MRRF: variants seen among roughly 807,000 people sequenced by gnomAD.
The protein encoded by MRRF is mitochondrial ribosome recycling factor.
Under a neutral mutation model 25.1 loss-of-function variants are expected in MRRF, and 18 were observed. The observed-to-expected ratio is 0.72, with a 90% CI of 0.50 to 1.06. MRRF has a LOEUF of 1.06. Ranked by LOEUF, MRRF falls within the 50% of genes least tolerant of loss-of-function variation. The pLI is 0.00. For synonymous variants in MRRF, 113 were observed against 112.1 expected, an observed-to-expected ratio of 1.01 and a Z score of -0.05; for missense variants, 323 against 319.3, an observed-to-expected ratio of 1.01 and a Z score of -0.09.
intron 3 of MRRF, among the ~76,000 whole-genome samples, chr9:122,283,726 T>G (rs1032661266): frequency 6.6e-6 from 1 of 152,210 alleles, no homozygotes; most frequent in Admixed American, 6.5e-5. Context: ...ATTTCCCCCC[T>G]TTTCTCTTTG....
At chr9:122,273,440 CAAAAAAA>C (rs566027952) in intron 2 of MRRF, among the ~76,000 whole-genome samples, 1 of 70,168 alleles carries the variant, frequency 1.4e-5, no homozygotes, top group Non-Finnish European at 3.0e-5. Flanking sequence ...GACCCTGTCT[CAAAAAAA>C]AAAAAAAAAA....
intron 6 of MRRF, among the ~76,000 whole-genome samples, chr9:122,318,227 C>T (rs1835659964): frequency 6.6e-6 from 1 of 151,740 alleles, no homozygotes; most frequent in African/African-American, 2.4e-5. Context: ...GTTCCCCCCA[C>T]CCCACTACTT....
intron 6 of MRRF, among the ~76,000 whole-genome samples, chr9:122,317,099 G>C (rs1350732582): frequency 1.4e-5 from 2 of 144,866 alleles, no homozygotes; most frequent in African/African-American, 2.5e-5. Flanking sequence ...AATCTTTGTT[G>C]AGATGATTTC....
chr9:122,273,263 C>T (rs1365499928), intron 2 of MRRF, among the ~76,000 whole-genome samples: 3 of 151,974 alleles, frequency 2.0e-5, no homozygotes, highest in Non-Finnish European at 4.4e-5. Flanking sequence ...CCAGCCTGGG[C>T]AACATGGGGA....
rs763250108 is a variant in MRRF at position 122,280,590 on chromosome 9, C to G, written c.332C>G (p.Thr111Ser). 10 of 1,613,692 alleles carry G rather than the reference C, an allele frequency of 6.2e-6. No homozygotes were observed. The East Asian group carries it at 2.0e-4, about 32-fold the overall frequency. Residue 111 changes from threonine to serine, a missense_variant, in exon 3 of 7, where the codon ACC becomes AGC. Transcript: ENST00000344641. ...DNFNKTLNIR[T>S]SPGSLDKIAV... is the part of the protein sequence containing the mutation. ...TTCAATAAGACTCTCAATATAAGGACCTCACCAGGTTAGTGACTGAACCAA... is the reference window on the plus strand; with the variant it reads ...TTCAATAAGACTCTCAATATAAGGAGCTCACCAGGTTAGTGACTGAACCAA...
intron 2 of MRRF, among the ~76,000 whole-genome samples, chr9:122,275,623 T>A (rs1001039026): frequency 4.6e-5 from 7 of 151,750 alleles, no homozygotes; most frequent in Admixed American, 4.6e-4. Flanking sequence ...GGTGACAGAG[T>A]GAGGCCCTGT....
At chr9:122,309,573 G>T (rs1010895349) in intron 5 of MRRF, among the ~76,000 whole-genome samples, 1 of 152,140 alleles carries the variant, frequency 6.6e-6, no homozygotes, top group South Asian at 2.1e-4. Context: ...AGAAAGGTTG[G>T]TCAGACTCCT....
intron 6 of MRRF, among the ~76,000 whole-genome samples, chr9:122,321,441 T>C (rs1440300579): frequency 6.6e-6 from 1 of 152,234 alleles, no homozygotes; most frequent in East Asian, 1.9e-4. Flanking sequence ...TTATTAAATA[T>C]AAAGCTGGGA....
chr9:122,290,000 G>A (rs1295622771), intron 4 of MRRF, among the ~76,000 whole-genome samples: 1 of 151,306 alleles, frequency 6.6e-6, no homozygotes, highest in African/African-American at 2.4e-5. Context: ...GCTGCAGTGA[G>A]CCGTGATTAT....
intron 2 of MRRF, among the ~76,000 whole-genome samples, chr9:122,278,894 T>G (rs1253654762): frequency 6.6e-6 from 1 of 152,194 alleles, no homozygotes; most frequent in African/African-American, 2.4e-5. Context: ...ATCTTTTTTT[T>G]TTTTCTTTGA....
At chr9:122,274,148 C>G (rs1246461885) in intron 2 of MRRF, among the ~76,000 whole-genome samples, 1 of 152,046 alleles carries the variant, frequency 6.6e-6, no homozygotes, top group Non-Finnish European at 1.5e-5. Flanking sequence ...TAATAGGCAT[C>G]TTTGTTTTAG....
At chr9:122,314,354 C>T (rs1270341430) in intron 6 of MRRF, among the ~76,000 whole-genome samples, 1 of 152,168 alleles carries the variant, frequency 6.6e-6, no homozygotes, top group East Asian at 1.9e-4. Flanking sequence ...CCCAACCACT[C>T]AAGTACATTT....
At chr9:122,288,283 A>G (rs1034483591) in intron 4 of MRRF, among the ~76,000 whole-genome samples, 1 of 152,346 alleles carries the variant, frequency 6.6e-6, no homozygotes, top group South Asian at 2.1e-4. Flanking sequence ...TGCAGGCACC[A>G]TTATTGCTCT....
At chr9:122,277,573 C>CA (rs1189056173) in intron 2 of MRRF, among the ~76,000 whole-genome samples, 3 of 151,892 alleles carry the variant, frequency 2.0e-5, no homozygotes, top group Non-Finnish European at 4.4e-5. Context: ...TTTTTTGAGA[C>CA]AGAGTCTCAC....
In MRRF at chr9:122,296,145, T is replaced by A. The variant is rs571012779; in HGVS notation, c.551+4305T>A. Among the ~76,000 whole-genome samples, 4 of 152,276 alleles carry A rather than the reference T, an allele frequency of 2.6e-5. No individual in the cohort carries two copies. The South Asian group carries it at 6.2e-4, about 24-fold the overall frequency. ...CTCTGCGTGGCTGTTTGCGAGTTTTTTTTTTATCGTGGCTGTCTCCTCAGG... is the reference window on the plus strand; with the variant it reads ...CTCTGCGTGGCTGTTTGCGAGTTTTATTTTTATCGTGGCTGTCTCCTCAGG... On this transcript the variant is annotated intron_variant, in intron 5 of 6. Coordinates refer to ENST00000344641, the MANE Select transcript of MRRF (RefSeq NM_138777.5).
chr9:122,287,913 C>A (rs900467688), intron 4 of MRRF, among the ~76,000 whole-genome samples: 5 of 152,158 alleles, frequency 3.3e-5, no homozygotes, highest in African/African-American at 1.2e-4. Flanking sequence ...TCGAAGCTGA[C>A]CGTAGAGTAC....
chr9:122,321,543 ATGAACATTT>A (rs1378627173), intron 6 of MRRF, among the ~76,000 whole-genome samples: 4 of 152,232 alleles, frequency 2.6e-5, no homozygotes, highest in African/African-American at 7.2e-5. Context: ...GTTAAATGGT[ATGAACATTT>A]GCATCAATTT....
intron 4 of MRRF, among the ~76,000 whole-genome samples, chr9:122,291,200 G>C (rs928405918): frequency 1.3e-5 from 2 of 152,196 alleles, no homozygotes; most frequent in Admixed American, 6.5e-5. Context: ...CAAAGCCCAT[G>C]CTTTAAGCTA....
At chr9:122,316,684 C>CA (rs1835552480) in intron 6 of MRRF, among the ~76,000 whole-genome samples, 1 of 151,920 alleles carries the variant, frequency 6.6e-6, no homozygotes, top group Admixed American at 6.6e-5. Context: ...CTTCATCAGA[C>CA]AGTTTTAAAA....
Sources: gnomAD v4.1 joint callset for allele counts (sites outside exome capture counted in the v4.1 genomes callset) on GRCh38, gnomAD v4.1.1 for gene constraint, MANE v1.5 for transcripts, NCBI Gene and HGNC (gene_info 2026-07-23, HGNC 2026-07-21) for gene names.